DIP2A: variants seen among roughly 807,000 people sequenced by gnomAD.
DIP2A encodes the protein DIP2 acetate--CoA ligase A, also known as disco-interacting protein 2 homolog A.
Under a neutral mutation model 177.4 loss-of-function variants are expected in DIP2A, and 85 were observed. The ratio of observed to expected loss-of-function variants is 0.48; its 90% CI spans 0.40 to 0.57. The LOEUF is 0.57. DIP2A is among the 20% of genes least tolerant of loss of function. DIP2A has a pLI of 0.00. For synonymous variants in DIP2A, 886 were observed against 881.8 expected, an observed-to-expected ratio of 1.00 and a Z score of -0.08; for missense variants, 1,791 against 2,100.2, an observed-to-expected ratio of 0.85 and a Z score of 2.88.
intron 15 of DIP2A, among the ~76,000 whole-genome samples, 170 bp from the exon 16 acceptor site, chr21:46,538,313 G>A (rs1281179537): frequency 6.6e-6 from 1 of 152,200 alleles, no homozygotes. Context: ...TTGAGGGTTT[G>A]TTAGACTGCA....
At chr21:46,574,362 A>G (rs980941999), downstream of DIP2A, among the ~76,000 whole-genome samples, 4 of 152,186 alleles carry the variant, frequency 2.6e-5, no homozygotes, top group Non-Finnish European at 5.9e-5. Context: ...TATAGCTATA[A>G]ATGCTTACAT....
Position 46,557,239 on chromosome 21 carries a change from A to G in DIP2A, c.3629+170A>G, listed in dbSNP as rs1182387164. The G allele has an allele frequency of 1.4e-6, 1 of 740,428 alleles. No individual in the cohort carries two copies. The highest frequency in any genetic ancestry group is 2.9e-5 in the Admixed American group (1 of 33,936). The allele number at this position is 740,428 out of a possible 1,614,324, so 45.9% of individuals were successfully genotyped here. ...GGAGTCTGAGTCTGAAATTGAGTGA[A>G]AATACATTTTTCATTAAATACACTG... is the stretch of plus-strand genomic sequence containing the variant. On this transcript the variant is annotated intron_variant, in intron 30 of 37. Transcript: ENST00000417564. The surrounding 1 kb of genome is among the most constrained non-coding windows in gnomAD (Gnocchi z 6.0).
chr21:46,481,612 A>G lies in DIP2A; in HGVS notation c.92-3145A>G, dbSNP rs150710958. ...TTTCTATTGCTTCACAGTCTTTGTCAGCACTTGACATTGTCAGTATTTTTA... is the reference window on the plus strand; with the variant it reads ...TTTCTATTGCTTCACAGTCTTTGTCGGCACTTGACATTGTCAGTATTTTTA... On this transcript the variant is annotated intron_variant, in intron 1 of 37. Transcript: ENST00000417564. Among the ~76,000 whole-genome samples, 415 of 152,364 alleles carry G rather than the reference A, an allele frequency of 2.7e-3. 3 individuals carry two copies. The highest frequency in any genetic ancestry group is 2.2e-3 in the Admixed American group (33 of 15,304).
Position 46,554,069 on chromosome 21 carries a change from G to A in DIP2A, c.3031-100G>A, listed in dbSNP as rs2060365993. 4 of 1,431,216 alleles carry A rather than the reference G, an allele frequency of 2.8e-6. No homozygotes were observed. In the African/African-American group the frequency reaches 4.3e-5, roughly 15 times the overall value. 88.7% of individuals were successfully genotyped at this position (1,431,216 alleles called of 1,614,324 possible). On this transcript the variant is annotated intron_variant, in intron 25 of 37. Transcript: ENST00000417564. ...CATTATCATGGACGCTAATCACAAG[G>A]TGTCGTGTGCAGTGGCGTGCAGGTG... is the stretch of plus-strand genomic sequence containing the variant.
intron 18 of DIP2A, among the ~76,000 whole-genome samples, chr21:46,544,278 C>T (rs2059939718): frequency 6.6e-6 from 1 of 151,960 alleles, no homozygotes; most frequent in African/African-American, 2.4e-5. Flanking sequence ...CCTGAGACAT[C>T]GTGCTCCATG....
At chr21:46,473,468 G>T (rs916686081) in intron 1 of DIP2A, among the ~76,000 whole-genome samples, 3 of 131,398 alleles carry the variant, frequency 2.3e-5, no homozygotes, top group Admixed American at 1.5e-4. Flanking sequence ...GAAAAAAAAA[G>T]GGGGGGGGGC....
rs201204791 is a variant in DIP2A at position 46,561,816 on chromosome 21, C to T, written c.4089+11C>T. Reference sequence around the variant, plus strand: ...ATGGAGTCTGGAAAGGTAGTGGAAACCAAGACGCGTGCATTCTGAGTCGCG... The same window carrying T: ...ATGGAGTCTGGAAAGGTAGTGGAAATCAAGACGCGTGCATTCTGAGTCGCG... On this transcript the variant is annotated intron_variant, in intron 34 of 37. Coordinates refer to ENST00000417564, the MANE Select transcript of DIP2A (RefSeq NM_015151.4). 204 of 1,613,808 alleles carry T rather than the reference C, an allele frequency of 1.3e-4. No homozygotes were observed. The highest frequency in any genetic ancestry group is 3.2e-4 in the Admixed American group (19 of 60,012).
intron 8 of DIP2A, among the ~76,000 whole-genome samples, chr21:46,528,554 T>C (rs2059215574): frequency 8.5e-6 from 1 of 117,616 alleles, no homozygotes. Flanking sequence ...TTTTTTTTTT[T>C]TTTTTTTTTT....
chr21:46,494,553 A>C (rs970179778), intron 3 of DIP2A, among the ~76,000 whole-genome samples: 1 of 152,212 alleles, frequency 6.6e-6, no homozygotes, highest in Non-Finnish European at 1.5e-5. Flanking sequence ...CAAAGGCCAG[A>C]ATATTTCCGT....
chr21:46,545,493 G>A (rs1412071353), intron 19 of DIP2A, among the ~76,000 whole-genome samples: 1 of 152,238 alleles, frequency 6.6e-6, no homozygotes, highest in East Asian at 1.9e-4. Flanking sequence ...TGGAGGGCTG[G>A]GAGTCAGCGT....
At position 46,537,193 on chromosome 21, in the gene DIP2A, CA is replaced by C; in HGVS notation, c.1643-30del. ...CATAGGGCTTATTGAGAGGGTTGCT[CA>C]GTGGTGTCACCTTCTTTGTCCACTT... is the stretch of plus-strand genomic sequence containing the variant. On this transcript the variant is annotated intron_variant, in intron 13 of 37. Coordinates refer to ENST00000417564, the MANE Select transcript of DIP2A (RefSeq NM_015151.4). This position sits in a 1 kb window ranked among gnomAD's most constrained non-coding sequence, Gnocchi z 4.1. 1.2e-6 allele frequency: 2 copies of C among 1,612,832 alleles called. No individual in the cohort carries two copies. Among genetic ancestry groups the C allele is most frequent in the Non-Finnish European group, 1.7e-6 (2 of 1,178,852 alleles).
chr21:46,557,347 C>G lies in DIP2A; in HGVS notation c.3630-238C>G, dbSNP rs973634321. ...GATCCGTCTCTAGAAGTGAATGCCT[C>G]TGGAGTGGTGTCCCCGGATCCTCTC... On this transcript the variant is annotated intron_variant, in intron 30 of 37. Coordinates refer to ENST00000417564, the MANE Select transcript of DIP2A (RefSeq NM_015151.4). The surrounding 1 kb of genome is among the most constrained non-coding windows in gnomAD (Gnocchi z 6.0). The G allele has an allele frequency of 2.0e-5, 13 of 636,542 alleles. No individual in the cohort carries two copies. In the Admixed American group the frequency reaches 3.5e-4, roughly 17 times the overall value. 39.4% of individuals were successfully genotyped at this position (636,542 alleles called of 1,614,324 possible). A position where few individuals can be genotyped will look rare whatever the true frequency, so the allele number is the denominator to read the frequency against.
At position 46,461,792 on chromosome 21, in the gene DIP2A, G is replaced by T. The variant is rs554664451; in HGVS notation, c.91+2570G>T. 2.0e-5 allele frequency among the ~76,000 whole-genome samples: 3 copies of T among 152,148 alleles called. No individual in the cohort carries two copies. In the East Asian group the frequency reaches 5.8e-4, roughly 29 times the overall value. Reference sequence around the variant, plus strand: ...AAAAGTATTGAGCCCAGAAATGGTGGCTTAGGCCTGTTATGTTTGCATTTT... The same window carrying T: ...AAAAGTATTGAGCCCAGAAATGGTGTCTTAGGCCTGTTATGTTTGCATTTT... On this transcript the variant is annotated intron_variant, in intron 1 of 37. Coordinates refer to ENST00000417564, the MANE Select transcript of DIP2A (RefSeq NM_015151.4).
Position 46,556,867 on chromosome 21 carries a change from C to A in DIP2A, c.3499-72C>A. 7.4e-7 allele frequency: 1 copy of A among 1,344,832 alleles called. No homozygotes were observed. The highest frequency in any genetic ancestry group is 1.0e-6 in the Non-Finnish European group (1 of 993,988). 83.3% of individuals were successfully genotyped at this position (1,344,832 alleles called of 1,614,324 possible). On this transcript the variant is annotated intron_variant, in intron 29 of 37. Transcript: ENST00000417564. This position sits in a 1 kb window ranked among gnomAD's most constrained non-coding sequence, Gnocchi z 4.5. ...ATGGTCTAGCCATGTGAACAGCGGA[C>A]ACTGCCATCCACCCTCTCCCCTCCT...
At chr21:46,581,354 A>C in the DIP2A span, among the ~76,000 whole-genome samples, 1 of 152,084 alleles carries the variant, frequency 6.6e-6, no homozygotes, top group African/African-American at 2.4e-5. Flanking sequence ...GTAATGTTTT[A>C]TCATGGTTCT....
At chr21:46,525,890 T>G (rs897997410) in intron 8 of DIP2A, among the ~76,000 whole-genome samples, 8 of 142,856 alleles carry the variant, frequency 5.6e-5, no homozygotes, top group African/African-American at 2.1e-4. Flanking sequence ...TTATTATTAT[T>G]ATTATTATTA....
intron 8 of DIP2A, among the ~76,000 whole-genome samples, chr21:46,512,063 AC>A (rs1490104730): frequency 1.3e-5 from 2 of 152,054 alleles, no homozygotes; most frequent in Non-Finnish European, 2.9e-5. Flanking sequence ...AAAGCCCCTC[AC>A]ACCCCTTCCA....
chr21:46,567,762 C>T lies in DIP2A; in HGVS notation c.*140C>T. 3.0e-6 allele frequency: 3 copies of T among 1,010,346 alleles called. No homozygotes were observed. The highest frequency in any genetic ancestry group is 3.0e-5 in the Admixed American group (1 of 33,586). 62.6% of individuals were successfully genotyped at this position (1,010,346 alleles called of 1,614,324 possible). A position where few individuals can be genotyped will look rare whatever the true frequency, so the allele number is the denominator to read the frequency against. ...AGATCCCTCTCAACAATCCCCGCAT[C>T]TCCTTTTAGAAAGCACTTCCTGAAT... is the stretch of plus-strand genomic sequence containing the variant. On this transcript the variant is annotated 3_prime_UTR_variant, in exon 38 of 38. Transcript: ENST00000417564.
intron 17 of DIP2A, among the ~76,000 whole-genome samples, chr21:46,540,806 G>T (rs981898640): frequency 6.6e-6 from 1 of 152,078 alleles, no homozygotes; most frequent in Non-Finnish European, 1.5e-5. Flanking sequence ...CTTAGGTTAG[G>T]AGTTCGAGAC....
Sources: allele counts gnomAD v4.1 joint callset (sites outside exome capture counted in the v4.1 genomes callset), GRCh38; gene constraint gnomAD v4.1.1; non-coding constraint Gnocchi (gnomAD v3.1); transcripts MANE v1.5; gene names NCBI Gene and HGNC (gene_info 2026-07-23, HGNC 2026-07-21).